Variants in FMN1 observed in about 807,000 individuals in gnomAD.
The protein encoded by FMN1 is formin 1.
In FMN1, 110 loss-of-function variants were observed where a neutral mutation model predicts 132.4. That is an observed-to-expected ratio of 0.83 (90% confidence interval 0.71 to 0.97). The LOEUF is 0.97. Among genes scored for constraint, FMN1 ranks in the 50% least tolerant of loss-of-function variants. The probability of loss-of-function intolerance (pLI) is 0.00; values close to 1 mark genes in which losing one functional copy is unlikely to be tolerated. For synonymous variants in FMN1, 722 were observed against 651.7 expected (o/e 1.11, Z -1.64); for missense variants, 1,792 against 1,705.3 (o/e 1.05, Z -0.90).
intron 5 of FMN1, among the ~76,000 whole-genome samples, chr15:33,079,237 A>G (rs775622545): frequency 1.1e-4 from 16 of 152,230 alleles, no homozygotes; most frequent in African/African-American, 3.6e-4. Context: ...AATGTGTGTT[A>G]TCAAGATCAA....
chr15:32,840,028 G>C (rs759547832), intron 17 of FMN1, among the ~76,000 whole-genome samples: 1 of 152,148 alleles, frequency 6.6e-6, no homozygotes, highest in South Asian at 2.1e-4. Context: ...AACTAGCGTT[G>C]AACAAACCTA....
At chr15:33,176,814 G>A (rs1965531438) in intron 3 of FMN1, among the ~76,000 whole-genome samples, 1 of 152,158 alleles carries the variant, frequency 6.6e-6, no homozygotes, top group African/African-American at 2.4e-5. Flanking sequence ...GTCAATTAAA[G>A]GAATCCAGCT....
At chr15:32,893,381 TGC>T (rs71424679) in intron 15 of FMN1, among the ~76,000 whole-genome samples, 2 of 149,372 alleles carry the variant, frequency 1.3e-5, no homozygotes, top group African/African-American at 2.5e-5. Context: ...TGTGTGTGTG[TGC>T]GCGCTCGTGC....
chr15:33,103,532 T>C (rs369986472), intron 4 of FMN1, among the ~76,000 whole-genome samples: 11 of 152,138 alleles, frequency 7.2e-5, no homozygotes, highest in African/African-American at 2.7e-4. Context: ...GCTCCATTTC[T>C]CCAAAGGATT....
At chr15:32,954,870 G>A (rs1176199786) in intron 9 of FMN1, among the ~76,000 whole-genome samples, 1 of 152,162 alleles carries the variant, frequency 6.6e-6, no homozygotes, top group Non-Finnish European at 1.5e-5. Flanking sequence ...GCCAGGCATG[G>A]TAGGTGTGCC....
chr15:32,794,517 G>C (rs79279968), intron 19 of FMN1, among the ~76,000 whole-genome samples: 1,697 of 152,034 alleles, frequency 0.011, 15 homozygotes, highest in Non-Finnish European at 0.019. Flanking sequence ...TATCCTAAAT[G>C]GTGGAATGTT....
intron 4 of FMN1, among the ~76,000 whole-genome samples, chr15:33,129,983 C>T (rs184020178): frequency 2.6e-5 from 4 of 152,058 alleles, no homozygotes; most frequent in Non-Finnish European, 4.4e-5. Flanking sequence ...TTAGTAGAGA[C>T]GGGGTTTCAC....
At chr15:33,172,319 G>A (rs982270658) in intron 3 of FMN1, among the ~76,000 whole-genome samples, 1 of 152,234 alleles carries the variant, frequency 6.6e-6, no homozygotes, top group Non-Finnish European at 1.5e-5. Context: ...GGTGGAATGG[G>A]TGGACTTTTG....
At chr15:33,184,695 G>T (rs1595612561) in intron 2 of FMN1, among the ~76,000 whole-genome samples, 1 of 152,134 alleles carries the variant, frequency 6.6e-6, no homozygotes, top group East Asian at 1.9e-4. Flanking sequence ...GTAGAGATGG[G>T]TTTACGCCAT....
Position 32,774,255 on chromosome 15 carries a change from A to T in FMN1, c.*55T>A. On this transcript the variant is annotated 3_prime_UTR_variant, in exon 21 of 21. Transcript: ENST00000616417. ...GTCCTGCAACCCTGTGGTCACAAAG[A>T]GTATGCGTGCAAGGTCCTCCACCTC... 7.5e-7 allele frequency: 1 copy of T among 1,339,314 alleles called. No individual in the cohort carries two copies. 83.0% of individuals were successfully genotyped at this position (1,339,314 alleles called of 1,614,324 possible). A position where few individuals can be genotyped will look rare whatever the true frequency, so the allele number is the denominator to read the frequency against.
intron 2 of FMN1, among the ~76,000 whole-genome samples, chr15:33,181,274 A>G (rs998559474): frequency 6.6e-6 from 1 of 152,170 alleles, no homozygotes; most frequent in Non-Finnish European, 1.5e-5. Context: ...TTTTACTTCT[A>G]AAAATTTTTC....
chr15:33,049,533 A>C (rs949789619), intron 6 of FMN1, among the ~76,000 whole-genome samples: 1 of 152,350 alleles, frequency 6.6e-6, no homozygotes, highest in East Asian at 1.9e-4. Context: ...AGTAATGACT[A>C]AAGTTTTGGT....
At position 32,969,342 on chromosome 15, in the gene FMN1, C is replaced by T. The variant is rs757453823; in HGVS notation, c.2359G>A (p.Val787Met). 6.2e-7 allele frequency: 1 copy of T among 1,613,990 alleles called. No individual in the cohort carries two copies. The highest frequency in any genetic ancestry group is 1.1e-5 in the South Asian group (1 of 91,082). ...CAGTCATCATCGGTGGAAATGCACA[C>T]ATCTTTCCTCTCTTCACAACCCCCT... ...WRGGCEERKDVCISTDDDCPP... is the reference protein window; with the variant it reads ...WRGGCEERKDMCISTDDDCPP... Residue 787 changes from valine (V) to methionine (M), a missense_variant, in exon 8 of 21, where the codon GTG (valine) becomes ATG (methionine). Physicochemically the swap from Val to Met is conservative, Grantham distance 21. Coordinates refer to ENST00000616417, the MANE Select transcript of FMN1 (RefSeq NM_001277313.2).
chr15:33,113,462 A>T (rs1292977716), intron 4 of FMN1, among the ~76,000 whole-genome samples: 1 of 152,166 alleles, frequency 6.6e-6, no homozygotes, highest in Non-Finnish European at 1.5e-5. Flanking sequence ...TGTAACATAG[A>T]TGTGAACATA....
chr15:32,991,191 T>TC, intron 7 of FMN1, among the ~76,000 whole-genome samples: 1 of 152,266 alleles, frequency 6.6e-6, no homozygotes, highest in East Asian at 1.9e-4. Flanking sequence ...TTATTTTCTC[T>TC]CGGTTTCAGA....
intron 4 of FMN1, among the ~76,000 whole-genome samples, chr15:33,097,500 T>C (rs1473726109): frequency 1.3e-5 from 2 of 151,768 alleles, no homozygotes; most frequent in East Asian, 1.9e-4. Flanking sequence ...AAAAAGACAA[T>C]TATAAAAGTG....
intron 4 of FMN1, among the ~76,000 whole-genome samples, chr15:33,119,477 G>A (rs561050502): frequency 2.6e-5 from 4 of 152,316 alleles, no homozygotes; most frequent in African/African-American, 9.6e-5. Flanking sequence ...CCACCCAGGA[G>A]GAGACTCTGC....
intron 17 of FMN1, among the ~76,000 whole-genome samples, chr15:32,826,561 A>G (rs916914080): frequency 3.3e-5 from 5 of 152,220 alleles, no homozygotes; most frequent in Admixed American, 3.3e-4. Flanking sequence ...GCGCAGACCA[A>G]TTTAATGAGA....
intron 9 of FMN1, among the ~76,000 whole-genome samples, chr15:32,931,612 T>C (rs1433908315): frequency 6.6e-6 from 1 of 152,140 alleles, no homozygotes; most frequent in Non-Finnish European, 1.5e-5. Flanking sequence ...GGGGAATCCT[T>C]AGGGTTTTCT....
Sources: gnomAD v4.1 joint callset for allele counts (sites outside exome capture counted in the v4.1 genomes callset) on GRCh38, gnomAD v4.1.1 for gene constraint, MANE v1.5 for transcripts, NCBI Gene and HGNC (gene_info 2026-07-23, HGNC 2026-07-21) for gene names.